The following BOC variants were observed in gnomAD, a reference collection of about 807,000 sequenced individuals.
BOC encodes BOC cell adhesion associated, oncogene regulated.
BOC carries 76 observed loss-of-function variants against 112.0 expected under a neutral mutation model. The ratio of observed to expected loss-of-function variants is 0.68; its 90% CI spans 0.56 to 0.82. BOC has a LOEUF of 0.82. Ranked by LOEUF, BOC falls within the 40% of genes least tolerant of loss-of-function variation. The pLI, the probability that BOC is intolerant of heterozygous loss-of-function variation, is 0.00. For synonymous variants in BOC, 580 were observed against 599.8 expected, an observed-to-expected ratio of 0.97 and a Z score of 0.48; for missense variants, 1,309 against 1,511.7, an observed-to-expected ratio of 0.87 and a Z score of 2.22.
Position 113,278,894 on chromosome 3 carries a change from C to A in BOC, c.1816+111C>A. 1 of 878,330 alleles carries A rather than the reference C, an allele frequency of 1.1e-6. No individual in the cohort carries two copies. Among genetic ancestry groups the A allele is most frequent in the Non-Finnish European group, 1.8e-6 (1 of 567,748 alleles). 54.4% of individuals were successfully genotyped at this position (878,330 alleles called of 1,614,324 possible). ...TTCTGTAGGTCCAGGGTTTTTATGACATCTCCCAGTTAACCACAATGAGGA... is the reference window on the plus strand; with the variant it reads ...TTCTGTAGGTCCAGGGTTTTTATGAAATCTCCCAGTTAACCACAATGAGGA... On this transcript the variant is annotated intron_variant, in intron 11 of 19. Coordinates refer to ENST00000682979, the MANE Select transcript of BOC (RefSeq NM_001378074.1). This position sits in a 1 kb window ranked among gnomAD's most constrained non-coding sequence, Gnocchi z 4.2.
chr3:113,262,369 A>T (rs1363380909), intron 4 of BOC, among the ~76,000 whole-genome samples: 1 of 152,098 alleles, frequency 6.6e-6, no homozygotes, highest in African/African-American at 2.4e-5. Flanking sequence ...TGTGGTTAGG[A>T]GCTATGTCTT....
chr3:113,271,559 TGAAGTTAAA>T, intron 6 of BOC: 1 of 211,930 alleles, frequency 4.7e-6, no homozygotes, highest in Non-Finnish European at 9.6e-6. Context: ...GTGAAGCTAA[TGAAGTTAAA>T]CTTCCATCGT....
intron 4 of BOC, among the ~76,000 whole-genome samples, chr3:113,267,812 C>G (rs946822544): frequency 6.6e-6 from 1 of 152,224 alleles, no homozygotes; most frequent in African/African-American, 2.4e-5. Context: ...ACTGCAAGCT[C>G]TGCCTCCTGG....
At chr3:113,224,405 C>T (rs938010277) in intron 2 of BOC, among the ~76,000 whole-genome samples, 1 of 152,144 alleles carries the variant, frequency 6.6e-6, no homozygotes, top group South Asian at 2.1e-4. Flanking sequence ...TGACAGAACC[C>T]CCAGGATTCA....
intron 4 of BOC, among the ~76,000 whole-genome samples, chr3:113,254,587 C>T (rs1386797151): frequency 3.9e-5 from 6 of 152,222 alleles, no homozygotes; most frequent in Non-Finnish European, 5.9e-5. Flanking sequence ...ACCGAAGGCA[C>T]GGTCTGCATT....
At position 113,284,542 on chromosome 3, in the gene BOC, A is replaced by C. The variant is rs1336933359; in HGVS notation, c.2864A>C (p.Gln955Pro). ...AVGYPGMKPQ[Q>P]HCPGELQQQS... ...GGCTACCCGGGCATGAAGCCCCAGC[A>C]GCACTGCCCAGGCGAGCTTCAGCAG... Residue 955 changes from glutamine (Q) to proline (P), a missense_variant, in exon 17 of 20, where the codon CAG becomes CCG. Gln to Pro is a moderately conservative substitution (Grantham distance 76). Transcript: ENST00000682979. The C allele has an allele frequency of 1.9e-6, 3 of 1,613,624 alleles. No individual in the cohort carries two copies. The highest frequency in any genetic ancestry group is 2.5e-6 in the Non-Finnish European group (3 of 1,179,702).
intron 6 of BOC, chr3:113,271,181 C>T (rs1948079427): frequency 2.9e-6 from 2 of 685,156 alleles, no homozygotes; most frequent in Non-Finnish European, 5.3e-6. Context: ...GCCACACCTG[C>T]CTGATGGGAG....
intron 15 of BOC, among the ~76,000 whole-genome samples, chr3:113,282,100 G>A (rs920857792): frequency 6.6e-6 from 1 of 152,196 alleles, no homozygotes; most frequent in Non-Finnish European, 1.5e-5. Flanking sequence ...TGGTTGGGGT[G>A]TCAGGCACCG....
Position 113,278,519 on chromosome 3 carries a change from C to T in BOC, c.1706-154C>T, listed in dbSNP as rs554643380. Among the ~76,000 whole-genome samples, 3 of 152,132 alleles carry T rather than the reference C, an allele frequency of 2.0e-5. No homozygotes were observed. Among genetic ancestry groups the T allele is most frequent in the East Asian group, 3.9e-4 (2 of 5,154 alleles). ...AATAGTACCACAACAGAACCAGTCT[C>T]GGCCGAGGCTGAGCCCACACCCTCA... On this transcript the variant is annotated intron_variant, in intron 10 of 19. Transcript: ENST00000682979. The surrounding 1 kb of genome is among the most constrained non-coding windows in gnomAD (Gnocchi z 4.2).
intron 4 of BOC, chr3:113,251,106 C>A: frequency 1.7e-6 from 1 of 594,330 alleles, no homozygotes; most frequent in Non-Finnish European, 3.0e-6. Flanking sequence ...CTTGACATGG[C>A]AGAACTGTTC....
Position 113,249,914 on chromosome 3 carries a change from T to G in BOC, c.97+15T>G. On this transcript the variant is annotated intron_variant, in intron 3 of 19. Coordinates refer to ENST00000682979, the MANE Select transcript of BOC (RefSeq NM_001378074.1). ...TGCTGACTTGAGTGAGTGCTTTCCT[T>G]CCCTTTCCCTGCCCTTACAGTCAAA... 6.2e-7 allele frequency: 1 copy of G among 1,606,910 alleles called. No homozygotes were observed. The highest frequency in any genetic ancestry group is 8.5e-7 in the Non-Finnish European group (1 of 1,174,344).
chr3:113,255,568 A>G (rs747651714), intron 4 of BOC, among the ~76,000 whole-genome samples: 7 of 152,232 alleles, frequency 4.6e-5, no homozygotes, highest in Non-Finnish European at 7.3e-5. Context: ...GTAACCAGGT[A>G]GCTACCTATA....
chr3:113,245,160 G>C (rs1944756217), intron 2 of BOC, among the ~76,000 whole-genome samples: 1 of 152,036 alleles, frequency 6.6e-6, no homozygotes, highest in South Asian at 2.1e-4. Context: ...TTTTAAATTA[G>C]GTCTGTGTGT....
Position 113,278,358 on chromosome 3 carries a change from C to A in BOC, c.1705+101C>A. 3 of 1,299,740 alleles carry A rather than the reference C, an allele frequency of 2.3e-6. No homozygotes were observed. The highest frequency in any genetic ancestry group is 1.1e-6 in the Non-Finnish European group (1 of 930,680). 80.5% of individuals were successfully genotyped at this position (1,299,740 alleles called of 1,614,324 possible). A position where few individuals can be genotyped will look rare whatever the true frequency, so the allele number is the denominator to read the frequency against. ...CTGCTCACCTTGCCCCAGCTGTTCACCTTGAACTTCATCTTTCCTTCCAGC... is the reference window on the plus strand; with the variant it reads ...CTGCTCACCTTGCCCCAGCTGTTCAACTTGAACTTCATCTTTCCTTCCAGC... On this transcript the variant is annotated intron_variant, in intron 10 of 19. Transcript: ENST00000682979. This position sits in a 1 kb window ranked among gnomAD's most constrained non-coding sequence, Gnocchi z 4.2.
intron 4 of BOC, 128 bp downstream of exon 4, chr3:113,250,961 C>T (rs561274033): frequency 2.5e-6 from 3 of 1,201,608 alleles, no homozygotes; most frequent in South Asian, 2.9e-5. Flanking sequence ...GCAGAAATGT[C>T]AAATCAGAAC....
chr3:113,287,429 TAA>T lies in BOC; in HGVS notation c.*569_*570del, dbSNP rs1949778181. ...AAAAACAAACACTGTAACTTCTAAATAAATGTTTAGTCTTCCCTGTAACCTTC... is the reference window on the plus strand; with the variant it reads ...AAAAACAAACACTGTAACTTCTAAATATGTTTAGTCTTCCCTGTAACCTTC... On this transcript the variant is annotated 3_prime_UTR_variant, in exon 20 of 20. Transcript: ENST00000682979. 1 of 155,434 alleles carries T rather than the reference TAA, an allele frequency of 6.4e-6. No homozygotes were observed. Among genetic ancestry groups the T allele is most frequent in the South Asian group, 1.9e-4 (1 of 5,172 alleles). The allele number at this position is 155,434 out of a possible 1,614,324, so 9.6% of individuals were successfully genotyped here.
At chr3:113,268,051 G>T (rs529363133) in intron 4 of BOC, among the ~76,000 whole-genome samples, 173 of 152,260 alleles carry the variant, frequency 1.1e-3, no homozygotes, top group Non-Finnish European at 1.2e-4. Context: ...GGCACCCCTT[G>T]ATGGGATTCT....
At chr3:113,242,033 G>T (rs1944371005) in intron 2 of BOC, among the ~76,000 whole-genome samples, 1 of 151,828 alleles carries the variant, frequency 6.6e-6, no homozygotes, top group African/African-American at 2.4e-5. Context: ...AAATATTCAA[G>T]AGGAGCTCTG....
chr3:113,284,687 T>C (rs1949508241), intron 17 of BOC, 95 bp from the exon 18 acceptor site: 16 of 1,520,240 alleles, frequency 1.1e-5, no homozygotes, highest in Non-Finnish European at 1.5e-5. Flanking sequence ...CAGGCTTTCT[T>C]TAGTCAGGAG....
Sources: allele counts gnomAD v4.1 joint callset (sites outside exome capture counted in the v4.1 genomes callset), GRCh38; gene constraint gnomAD v4.1.1; non-coding constraint Gnocchi (gnomAD v3.1); transcripts MANE v1.5; gene names NCBI Gene and HGNC (gene_info 2026-07-23, HGNC 2026-07-21).